Variants in FAT3 observed in about 807,000 individuals in gnomAD.
The protein encoded by FAT3 is protocadherin Fat 3.
In FAT3, 95 loss-of-function variants were observed where a neutral mutation model predicts 310.2. The observed-to-expected ratio is 0.31, with a 90% CI of 0.26 to 0.36. The LOEUF (loss-of-function observed/expected upper bound fraction) is 0.36. FAT3 is among the 10% of genes least tolerant of loss of function. The probability of loss-of-function intolerance (pLI) is 1.00; values close to 1 mark genes in which losing one functional copy is unlikely to be tolerated. For missense variants in FAT3, 5,408 were observed against 5,715.6 expected (o/e 0.95, Z 1.74); for synonymous variants, 2,314 against 2,192.9 (o/e 1.06, Z -1.54).
chr11:92,395,031 T>C (rs896954669), intron 2 of FAT3, among the ~76,000 whole-genome samples: 14 of 152,170 alleles, frequency 9.2e-5, no homozygotes, highest in Admixed American at 9.2e-4. Context: ...ATTTGCTGAA[T>C]GAATGAATGA....
intron 9 of FAT3, among the ~76,000 whole-genome samples, chr11:92,797,145 GA>G (rs920541121): frequency 6.6e-5 from 10 of 152,332 alleles, no homozygotes; most frequent in Non-Finnish European, 1.0e-4. Flanking sequence ...AAGCATGAGA[GA>G]GGGGTAGAGC....
intron 3 of FAT3, among the ~76,000 whole-genome samples, chr11:92,674,532 A>AT (rs967685425): frequency 2.6e-4 from 40 of 151,476 alleles, no homozygotes; most frequent in Non-Finnish European, 4.6e-4. Context: ...AATTTAATTA[A>AT]TTTTTTTTAA....
chr11:92,842,403 C>T lies in FAT3; in HGVS notation c.10567-1531C>T, dbSNP rs149939066. Among the ~76,000 whole-genome samples, 331 of 152,312 alleles carry T rather than the reference C, an allele frequency of 2.2e-3. 1 individual carries two copies. The highest frequency in any genetic ancestry group is 3.4e-3 in the Middle Eastern group (1 of 294). On this transcript the variant is annotated intron_variant, in intron 18 of 27. Coordinates refer to ENST00000525166, the MANE Select transcript of FAT3 (RefSeq NM_001367949.2). ...ATCTTTCTGGCCTCTGACATGTGAACGGGCAACCTCTGGCCTATAAAGTCT... is the reference window on the plus strand; with the variant it reads ...ATCTTTCTGGCCTCTGACATGTGAATGGGCAACCTCTGGCCTATAAAGTCT...
At chr11:92,334,663 G>A (rs551840694) in intron 1 of FAT3, among the ~76,000 whole-genome samples, 1 of 152,092 alleles carries the variant, frequency 6.6e-6, no homozygotes, top group South Asian at 2.1e-4. Flanking sequence ...CACCCCACTT[G>A]CAAATAATGC....
At chr11:92,494,627 A>G (rs1952701088) in intron 2 of FAT3, among the ~76,000 whole-genome samples, 1 of 152,028 alleles carries the variant, frequency 6.6e-6, no homozygotes, top group Non-Finnish European at 1.5e-5. Context: ...CATATTATAG[A>G]GATGAGGAAA....
intron 3 of FAT3, among the ~76,000 whole-genome samples, chr11:92,694,877 G>A (rs914846739): frequency 6.6e-6 from 1 of 152,164 alleles, no homozygotes; most frequent in African/African-American, 2.4e-5. Flanking sequence ...CTTGTGAGAA[G>A]AAAGTTACTC....
chr11:92,355,488 C>T, intron 2 of FAT3, 84 bp downstream of exon 2: 1 of 1,330,644 alleles, frequency 7.5e-7, no homozygotes, highest in East Asian at 2.3e-5. Context: ...TGTTAGGACA[C>T]TAAAATAGAA....
chr11:92,442,107 A>ATTTT (rs1565320189), intron 2 of FAT3, among the ~76,000 whole-genome samples: 83 of 49,822 alleles, frequency 1.7e-3, no homozygotes, highest in African/African-American at 4.0e-3. Context: ...ATATATATAT[A>ATTTT]TATATTTTTT....
At chr11:92,397,440 C>A (rs1949897279) in intron 2 of FAT3, among the ~76,000 whole-genome samples, 1 of 152,126 alleles carries the variant, frequency 6.6e-6, no homozygotes, top group African/African-American at 2.4e-5. Flanking sequence ...TGACTTTCTC[C>A]CCATCTAGAT....
At chr11:92,552,765 A>T (rs1039035827) in intron 3 of FAT3, among the ~76,000 whole-genome samples, 2 of 141,846 alleles carry the variant, frequency 1.4e-5, no homozygotes, top group African/African-American at 5.1e-5. Flanking sequence ...ATAATATCTT[A>T]AAAACTTACA....
chr11:92,233,391 CG>C (rs1337580906), intron 1 of FAT3, among the ~76,000 whole-genome samples: 1 of 152,146 alleles, frequency 6.6e-6, no homozygotes, highest in African/African-American at 2.4e-5. Context: ...CACATTACAT[CG>C]TTGGTCGTTT....
chr11:92,641,164 C>T lies in FAT3; in HGVS notation c.3608-56220C>T, dbSNP rs191984557. On this transcript the variant is annotated intron_variant, in intron 3 of 27. Coordinates refer to ENST00000525166, the MANE Select transcript of FAT3 (RefSeq NM_001367949.2). Reference sequence around the variant, plus strand: ...GAGCCAAGATTGTACCACTGCACTCCAGCATGGATGACAGAGAGAGACCCT... The same window carrying T: ...GAGCCAAGATTGTACCACTGCACTCTAGCATGGATGACAGAGAGAGACCCT... 7.4e-4 allele frequency among the ~76,000 whole-genome samples: 113 copies of T among 152,252 alleles called. 1 individual carries two copies. In the East Asian group the frequency reaches 0.017, roughly 23 times the overall value.
rs79293801 is a variant in FAT3, at chr11:92,869,337, G to A, written c.12127+2128G>A. ...CAGTAGACACCCGGACGTGTCCCAGGTGGGGAAATTTGGGACTCTCATGCA... is the reference window on the plus strand; with the variant it reads ...CAGTAGACACCCGGACGTGTCCCAGATGGGGAAATTTGGGACTCTCATGCA... On this transcript the variant is annotated intron_variant, in intron 22 of 27. Transcript: ENST00000525166. Among the ~76,000 whole-genome samples, 521 of 152,316 alleles carry A rather than the reference G, an allele frequency of 3.4e-3. 6 individuals are homozygous for A. Among genetic ancestry groups the A allele is most frequent in the African/African-American group, 0.012 (486 of 41,574 alleles).
intron 4 of FAT3, among the ~76,000 whole-genome samples, chr11:92,702,575 C>G (rs2135922148): frequency 6.6e-6 from 1 of 152,314 alleles, no homozygotes; most frequent in East Asian, 1.9e-4. Context: ...TCTTTTCCAT[C>G]TACTTCCTCC....
chr11:92,627,306 T>C (rs1458925384), intron 3 of FAT3, among the ~76,000 whole-genome samples: 2 of 152,166 alleles, frequency 1.3e-5, no homozygotes, highest in Non-Finnish European at 2.9e-5. Context: ...TAGGTGAAGG[T>C]TCTATCGCAT....
chr11:92,602,098 A>T (rs1341128394), intron 3 of FAT3, among the ~76,000 whole-genome samples: 2 of 148,722 alleles, frequency 1.3e-5, no homozygotes, highest in African/African-American at 2.5e-5. Flanking sequence ...TTTGAGATGG[A>T]GTTTAGCTCT....
In FAT3 at chr11:92,339,047, AT is replaced by A. The variant is rs796068888; in HGVS notation, c.-17-13047del. On this transcript the variant is annotated intron_variant, in intron 1 of 27. Transcript: ENST00000525166. ...TATGCAGTGCCTCAGCTATGTAAAAATTCCTTTTGGGAGTTGTTTTTTTCTA... is the reference window on the plus strand; with the variant it reads ...TATGCAGTGCCTCAGCTATGTAAAAATCCTTTTGGGAGTTGTTTTTTTCTA... Among the ~76,000 whole-genome samples, 73 of 152,270 alleles carry A rather than the reference AT, an allele frequency of 4.8e-4. 1 individual carries two copies. The highest frequency in any genetic ancestry group is 1.5e-3 in the African/African-American group (64 of 41,558).
chr11:92,844,112 A>G lies in FAT3; in HGVS notation c.10745A>G (p.Asp3582Gly). Residue 3582 changes from aspartate to glycine, a missense_variant, in exon 19 of 28, where the codon GAT becomes GGT. Around this residue, in one of 5 missense-constraint regions of FAT3, gnomAD observed 4,588 missense variants for 4,809.8 expected, o/e 0.95. Coordinates refer to ENST00000525166, the MANE Select transcript of FAT3 (RefSeq NM_001367949.2). ...KIHATDQDMY[D>G]VLTFALKSEQ... ...CATGCCACAGATCAAGACATGTATGATGTGCTCACATTTGCCCTGAAATCG... is the reference window on the plus strand; with the variant it reads ...CATGCCACAGATCAAGACATGTATGGTGTGCTCACATTTGCCCTGAAATCG... 6.2e-7 allele frequency: 1 copy of G among 1,614,020 alleles called. No homozygotes were observed. The highest frequency in any genetic ancestry group is 8.5e-7 in the Non-Finnish European group (1 of 1,179,906).
chr11:92,539,296 A>C (rs1458162265), intron 3 of FAT3, among the ~76,000 whole-genome samples: 1 of 152,176 alleles, frequency 6.6e-6, no homozygotes, highest in Non-Finnish European at 1.5e-5. Context: ...CAATGAAATG[A>C]CTTTCAGTTT....
Sources: allele counts gnomAD v4.1 joint callset (sites outside exome capture counted in the v4.1 genomes callset), GRCh38; gene constraint gnomAD v4.1.1; regional missense constraint gnomAD v4.1.1; transcripts MANE v1.5; gene names NCBI Gene and HGNC (gene_info 2026-07-23, HGNC 2026-07-21).